Variants in MYO5B observed in about 807,000 individuals in gnomAD.
MYO5B encodes the protein unconventional myosin-Vb.
In MYO5B, 143 loss-of-function variants were observed where a neutral mutation model predicts 229.3. The ratio of observed to expected loss-of-function variants is 0.62; its 90% CI spans 0.54 to 0.72. The LOEUF (loss-of-function observed/expected upper bound fraction) is 0.72. Among genes scored for constraint, MYO5B ranks in the 30% least tolerant of loss-of-function variants. The probability of loss-of-function intolerance (pLI) is 0.00; values close to 1 mark genes in which losing one functional copy is unlikely to be tolerated. For missense variants in MYO5B, 2,321 were observed against 2,331.0 expected, an observed-to-expected ratio of 1.00 and a Z score of 0.09; for synonymous variants, 918 against 885.2, an observed-to-expected ratio of 1.04 and a Z score of -0.66.
intron 5 of MYO5B, among the ~76,000 whole-genome samples, chr18:49,998,997 C>T (rs1377532011): frequency 6.6e-6 from 1 of 152,156 alleles, no homozygotes; most frequent in Non-Finnish European, 1.5e-5. Flanking sequence ...AAATGGTAAA[C>T]TTTATGCTAT....
In MYO5B at chr18:49,954,344, G is replaced by A. The variant is rs201372185; in HGVS notation, c.1637C>T (p.Thr546Met). 73 of 1,613,918 alleles carry A rather than the reference G, an allele frequency of 4.5e-5. No individual in the cohort carries two copies. Among genetic ancestry groups the A allele is most frequent in the Middle Eastern group, 1.6e-4 (1 of 6,084 alleles). ...QHFQKPRMSN[T>M]AFIIVHFADK... The stretch of plus-strand genomic sequence containing the variant: ...TGCAAAGTGGACGATGATGAAGGCC[G>A]TGTTGGACATGCGGGGCTTCTGGAA... Residue 546 changes from threonine to methionine, a missense_variant, in exon 13 of 40, where the codon ACG becomes ATG. Physicochemically the swap from Thr to Met is moderately conservative, Grantham distance 81. Around this residue, in one of 2 missense-constraint regions of MYO5B, gnomAD observed 2,113 missense variants for 2,044.7 expected, o/e 1.03. Coordinates refer to ENST00000285039, the MANE Select transcript of MYO5B (RefSeq NM_001080467.3).
chr18:50,133,720 T>A (rs1169259100), intron 1 of MYO5B, among the ~76,000 whole-genome samples: 1 of 152,034 alleles, frequency 6.6e-6, no homozygotes, highest in Non-Finnish European at 1.5e-5. Flanking sequence ...TTTAACAGAA[T>A]CACCTGGGGC....
chr18:50,012,427 T>C (rs1442479492), intron 4 of MYO5B, among the ~76,000 whole-genome samples: 1 of 152,250 alleles, frequency 6.6e-6, no homozygotes, highest in Admixed American at 6.5e-5. Flanking sequence ...CAGAAACCTT[T>C]ATTAATTCCA....
intron 5 of MYO5B, among the ~76,000 whole-genome samples, chr18:49,999,388 G>A (rs544047744): frequency 1.1e-3 from 166 of 152,360 alleles, no homozygotes; most frequent in African/African-American, 3.8e-3. Flanking sequence ...AACGGCTTCC[G>A]ACCTGGGCCG....
rs147871343 is a variant in MYO5B at position 49,930,817 on chromosome 18, G to A, written c.2004-1219C>T. ...TGAGGCAGAAGAATGGCATGAATCC[G>A]GGAGGCAGAGGTTGCAGTGAGCTGA... is the stretch of plus-strand genomic sequence containing the variant. On this transcript the variant is annotated intron_variant, in intron 16 of 39. Coordinates refer to ENST00000285039, the MANE Select transcript of MYO5B (RefSeq NM_001080467.3). Among the ~76,000 whole-genome samples, 912 of 151,840 alleles carry A rather than the reference G, an allele frequency of 6.0e-3. 8 individuals carry two copies. The highest frequency in any genetic ancestry group is 0.01 in the Middle Eastern group (3 of 292).
At chr18:50,049,767 C>T (rs772963469) in intron 2 of MYO5B, among the ~76,000 whole-genome samples, 3 of 152,180 alleles carry the variant, frequency 2.0e-5, no homozygotes, top group Non-Finnish European at 4.4e-5. Context: ...TGCTGCCCCA[C>T]TCATCTCTAA....
chr18:50,092,513 G>C (rs2031467959), intron 1 of MYO5B, among the ~76,000 whole-genome samples: 1 of 152,100 alleles, frequency 6.6e-6, no homozygotes, highest in Middle Eastern at 3.4e-3. Context: ...TTAACAATCA[G>C]TTTTTTGTTT....
intron 8 of MYO5B, among the ~76,000 whole-genome samples, chr18:49,983,417 G>C (rs897870591): frequency 2.6e-5 from 4 of 152,124 alleles, no homozygotes; most frequent in Admixed American, 6.5e-5. Context: ...ACACCTTGGG[G>C]CACCTGCAGC....
intron 39 of MYO5B, among the ~76,000 whole-genome samples, chr18:49,828,489 C>T (rs2023873417): frequency 6.6e-6 from 1 of 152,154 alleles, no homozygotes; most frequent in Non-Finnish European, 1.5e-5. Flanking sequence ...AATGGTTGGA[C>T]ATTTCAATAC....
intron 1 of MYO5B, among the ~76,000 whole-genome samples, chr18:50,148,526 C>T (rs1456675290): frequency 6.6e-6 from 1 of 152,048 alleles, no homozygotes; most frequent in African/African-American, 2.4e-5. Flanking sequence ...AAGGCTGGTT[C>T]AATATATGCA....
chr18:50,139,289 T>C (rs1416243458), intron 1 of MYO5B, among the ~76,000 whole-genome samples: 1 of 152,212 alleles, frequency 6.6e-6, no homozygotes, highest in Non-Finnish European at 1.5e-5. Flanking sequence ...GACTCAGTCA[T>C]GCTACAAAGT....
At position 49,839,162 on chromosome 18, in the gene MYO5B, C is replaced by T. The variant is rs746297387; in HGVS notation, c.4834G>A (p.Val1612Met). 26 of 1,613,648 alleles carry T rather than the reference C, an allele frequency of 1.6e-5. No individual in the cohort carries two copies. The highest frequency in any genetic ancestry group is 4.5e-5 in the East Asian group (2 of 44,896). ...YQQLIKIAEGVLQPMIVSAML... is the reference protein window; with the variant it reads ...YQQLIKIAEGMLQPMIVSAML... ...AGCTTACCTATCATCGGCTGTAACA[C>T]GCCCTCGGCAATTTTAATGAGCTGC... is the stretch of plus-strand genomic sequence containing the variant. Residue 1612 changes from valine to methionine, a missense_variant, in exon 36 of 40, where the codon GTG (valine) becomes ATG (methionine). Physicochemically the swap from Val to Met is conservative, Grantham distance 21 (BLOSUM62 1). Coordinates refer to ENST00000285039, the MANE Select transcript of MYO5B (RefSeq NM_001080467.3).
intron 14 of MYO5B, chr18:49,946,178 T>C (rs62100992): frequency 0.35 from 53,748 of 151,930 alleles, 10,625 homozygotes; most frequent in Middle Eastern, 0.58. Flanking sequence ...GTATCCGTTA[T>C]TCAAAATTTG....
chr18:50,118,626 CTTTT>C (rs11429821), intron 1 of MYO5B, among the ~76,000 whole-genome samples: 4 of 138,028 alleles, frequency 2.9e-5, no homozygotes, highest in Non-Finnish European at 4.6e-5. Context: ...GTTGGCATTT[CTTTT>C]TTTTTTTTTT....
At chr18:50,098,283 TA>T in intron 1 of MYO5B, among the ~76,000 whole-genome samples, 1 of 152,292 alleles carries the variant, frequency 6.6e-6, no homozygotes, top group African/African-American at 2.4e-5. Context: ...TTTTATCTTA[TA>T]GGTGTATTGT....
At chr18:49,983,772 T>C (rs1191238339) in intron 8 of MYO5B, among the ~76,000 whole-genome samples, 1 of 152,242 alleles carries the variant, frequency 6.6e-6, no homozygotes, top group Admixed American at 6.5e-5. Context: ...CCATGAACTA[T>C]GTACCAGTTT....
In MYO5B at chr18:49,866,878, A is replaced by G. The variant is rs537013194; in HGVS notation, c.3604-2498T>C. Among the ~76,000 whole-genome samples the G allele has an allele frequency of 5.3e-5, 8 of 152,310 alleles. No individual in the cohort carries two copies. The East Asian group carries it at 1.5e-3, about 29-fold the overall frequency. ...ATGCCATCCACTGACTCAGAGGGGT[A>G]GGGCCAGAGGGTAAGGGGAGGGAAC... On this transcript the variant is annotated intron_variant, in intron 27 of 39. Transcript: ENST00000285039.
intron 10 of MYO5B, among the ~76,000 whole-genome samples, chr18:49,964,960 C>T (rs1460959562): frequency 6.6e-6 from 1 of 152,176 alleles, no homozygotes; most frequent in East Asian, 1.9e-4. Flanking sequence ...CTGGAATTTA[C>T]CAGGCAGCAG....
chr18:49,954,587 C>T, intron 12 of MYO5B, 152 bp from the exon 13 acceptor site: 1 of 1,083,706 alleles, frequency 9.2e-7, no homozygotes. Context: ...AAGAATGATT[C>T]AACCATACAT....
Sources: allele counts gnomAD v4.1 joint callset (sites outside exome capture counted in the v4.1 genomes callset), GRCh38; gene constraint gnomAD v4.1.1; regional missense constraint gnomAD v4.1.1; transcripts MANE v1.5; gene names NCBI Gene and HGNC (gene_info 2026-07-23, HGNC 2026-07-21).